Variants in DNA2 observed in about 807,000 individuals in gnomAD.
DNA2 encodes the protein DNA replication ATP-dependent helicase/nuclease DNA2.
A neutral mutation model predicts 119.1 loss-of-function variants in DNA2; 101 were observed. The observed-to-expected ratio is 0.85, with a 90% CI of 0.72 to 1.00. The LOEUF (loss-of-function observed/expected upper bound fraction) is 1.00, where lower values mean the gene tolerates loss of function less well. Ranked by LOEUF, DNA2 falls within the 50% of genes least tolerant of loss-of-function variation. The pLI is 0.00. For missense variants in DNA2, 1,121 were observed against 1,255.5 expected (o/e 0.89, Z 1.62); for synonymous variants, 366 against 424.4 (o/e 0.86, Z 1.69).
At chr10:68,418,809 A>G (rs2133355442) in intron 19 of DNA2, among the ~76,000 whole-genome samples, 1 of 151,182 alleles carries the variant, frequency 6.6e-6, no homozygotes, top group Middle Eastern at 3.4e-3. Context: ...AGTAGCTGGG[A>G]TTACAGGCGC....
intron 9 of DNA2, 70 bp from the exon 10 acceptor site, chr10:68,437,311 C>T (rs1264590998): frequency 2.3e-6 from 3 of 1,279,510 alleles, no homozygotes; most frequent in East Asian, 4.7e-5. Context: ...CTGCATTTTC[C>T]TACAACTTAC....
At chr10:68,454,021 C>T (rs2052153292) in intron 5 of DNA2, among the ~76,000 whole-genome samples, 1 of 152,192 alleles carries the variant, frequency 6.6e-6, no homozygotes, top group Non-Finnish European at 1.5e-5. Flanking sequence ...ATCTGTGATG[C>T]CCTTCTTCCA....
chr10:68,421,823 T>C (rs1235721784), intron 17 of DNA2, among the ~76,000 whole-genome samples: 2 of 139,534 alleles, frequency 1.4e-5, no homozygotes, highest in South Asian at 2.3e-4. Flanking sequence ...TGCCTTTTTT[T>C]TTCCCCCCAA....
At chr10:68,432,560 TG>T in intron 10 of DNA2, 50 bp from the exon 11 acceptor site, 1 of 1,031,318 alleles carries the variant, frequency 9.7e-7, no homozygotes, top group Non-Finnish European at 1.5e-6. Flanking sequence ...TCGCATAGTC[TG>T]TATAAGAAAT....
intron 19 of DNA2, among the ~76,000 whole-genome samples, chr10:68,417,916 G>A (rs1262213483): frequency 6.6e-6 from 1 of 152,152 alleles, no homozygotes; most frequent in African/African-American, 2.4e-5. Flanking sequence ...AAAGATAAAT[G>A]CTGTACGATT....
intron 18 of DNA2, 139 bp from the exon 19 acceptor site, chr10:68,419,352 T>C (rs989443633): frequency 3.0e-6 from 2 of 657,524 alleles, no homozygotes; most frequent in South Asian, 4.7e-5. Flanking sequence ...CTGAATACAA[T>C]TACTGAATTT....
chr10:68,426,008 T>C (rs943382784), intron 14 of DNA2, among the ~76,000 whole-genome samples: 2 of 151,528 alleles, frequency 1.3e-5, no homozygotes, highest in Non-Finnish European at 2.9e-5. Context: ...TGGTAGTGCA[T>C]GCCTGTAGTC....
intron 9 of DNA2, among the ~76,000 whole-genome samples, chr10:68,441,990 T>C (rs7916785): frequency 0.31 from 46,849 of 150,724 alleles, 8,830 homozygotes; most frequent in African/African-American, 0.52. Context: ...TGCAGTGGTG[T>C]GATCTCAGCT....
At chr10:68,444,215 C>T (rs180951683) in intron 8 of DNA2, among the ~76,000 whole-genome samples, 1 of 151,770 alleles carries the variant, frequency 6.6e-6, no homozygotes, top group Admixed American at 6.6e-5. Flanking sequence ...CATGGTGAAA[C>T]CCTGTCTCTA....
chr10:68,441,194 G>C (rs1435876453), intron 9 of DNA2, among the ~76,000 whole-genome samples: 1 of 151,572 alleles, frequency 6.6e-6, no homozygotes, highest in Non-Finnish European at 1.5e-5. Context: ...GCCAAGTTTG[G>C]TGGTGCACAC....
At chr10:68,467,700 G>A (rs1037543837) in intron 3 of DNA2, among the ~76,000 whole-genome samples, 13 of 152,000 alleles carry the variant, frequency 8.6e-5, no homozygotes, top group African/African-American at 2.7e-4. Context: ...ACAGGTGCAC[G>A]CCACCACACC....
chr10:68,459,035 C>G, intron 5 of DNA2, 69 bp downstream of exon 5: 1 of 1,324,172 alleles, frequency 7.6e-7, no homozygotes, highest in Non-Finnish European at 9.9e-7. Context: ...AACTTTGATT[C>G]AACACACAGA....
chr10:68,443,149 C>T (rs1202409309), intron 8 of DNA2, 38 bp from the exon 9 acceptor site: 1 of 1,506,890 alleles, frequency 6.6e-7, no homozygotes, highest in Non-Finnish European at 8.9e-7. Flanking sequence ...GCTTATAAAC[C>T]ATTTCCCTGG....
At chr10:68,459,383 GGAT>G in intron 4 of DNA2, 148 bp from the exon 5 acceptor site, 2 of 776,864 alleles carry the variant, frequency 2.6e-6, no homozygotes, top group Non-Finnish European at 3.9e-6. Flanking sequence ...GCCAATAAAT[GGAT>G]AAACAAAATG....
intron 14 of DNA2, among the ~76,000 whole-genome samples, chr10:68,426,524 TGA>T (rs1564879577): frequency 7.9e-6 from 1 of 125,936 alleles, no homozygotes; most frequent in Non-Finnish European, 1.7e-5. Context: ...GGTGACACAG[TGA>T]GAGTCTGTCT....
intron 2 of DNA2, among the ~76,000 whole-genome samples, chr10:68,469,746 T>C (rs570790960): frequency 6.6e-6 from 1 of 152,234 alleles, no homozygotes; most frequent in East Asian, 1.9e-4. Context: ...ATTACAGGTG[T>C]GAGCCACCAT....
Position 68,432,200 on chromosome 10 carries a change from G to C in DNA2, c.1873+6C>G. 2 of 1,534,752 alleles carry C rather than the reference G, an allele frequency of 1.3e-6. No individual in the cohort carries two copies. Among genetic ancestry groups the C allele is most frequent in the Non-Finnish European group, 1.8e-6 (2 of 1,126,970 alleles). ...AATCAAAGCAGACATGGTGATTTTA[G>C]CATACCCTTTAGAATGCAGGCAACT... On this transcript the variant is annotated splice_donor_region_variant and intron_variant, in intron 12 of 20. Transcript: ENST00000358410.
At chr10:68,418,933 A>G (rs1238697726) in intron 19 of DNA2, 101 bp downstream of exon 19, 25 of 1,102,774 alleles carry the variant, frequency 2.3e-5, no homozygotes, top group Non-Finnish European at 3.2e-5. Context: ...TTGGCCTCCC[A>G]GGGGGCTGGG....
chr10:68,428,196 A>G (rs1035969181), intron 14 of DNA2, among the ~76,000 whole-genome samples: 9 of 151,398 alleles, frequency 5.9e-5, no homozygotes, highest in Admixed American at 5.3e-4. Context: ...GCGTGGTGGC[A>G]GGCGCCTGTA....
Sources: gnomAD v4.1 joint callset for allele counts (sites outside exome capture counted in the v4.1 genomes callset) on GRCh38, gnomAD v4.1.1 for gene constraint, MANE v1.5 for transcripts, NCBI Gene and HGNC (gene_info 2026-07-23, HGNC 2026-07-21) for gene names.